Variants in BCAR3 observed in about 807,000 individuals in gnomAD.
BCAR3 encodes the protein BCAR3 adaptor protein, NSP family member.
In BCAR3, 37 loss-of-function variants were observed where a neutral mutation model predicts 80.1. The ratio of observed to expected loss-of-function variants is 0.46; its 90% CI spans 0.36 to 0.61. The LOEUF is 0.61. Among genes scored for constraint, BCAR3 ranks in the 20% least tolerant of loss-of-function variants. The probability of loss-of-function intolerance (pLI) is 0.00; values close to 1 mark genes in which losing one functional copy is unlikely to be tolerated. For synonymous variants in BCAR3, 389 were observed against 418.9 expected, an observed-to-expected ratio of 0.93 and a Z score of 0.87; for missense variants, 978 against 1,068.2, an observed-to-expected ratio of 0.92 and a Z score of 1.18.
At chr1:93,643,655 G>A (rs1417818511) in intron 2 of BCAR3, among the ~76,000 whole-genome samples, 1 of 151,106 alleles carries the variant, frequency 6.6e-6, no homozygotes, top group Non-Finnish European at 1.5e-5. Flanking sequence ...ATGGGGAGAT[G>A]TAGGTCAAAG....
chr1:93,701,960 G>C (rs1311565028), intron 3 of BCAR3, among the ~76,000 whole-genome samples: 1 of 152,188 alleles, frequency 6.6e-6, no homozygotes, highest in East Asian at 1.9e-4. Context: ...GGCTGAGTGA[G>C]TGTAGTGGAA....
intron 3 of BCAR3, among the ~76,000 whole-genome samples, chr1:93,697,832 G>T (rs1305361541): frequency 6.6e-6 from 1 of 152,096 alleles, no homozygotes; most frequent in African/African-American, 2.4e-5. Context: ...CACAAAATTA[G>T]CCAGGCATGG....
intron 3 of BCAR3, chr1:93,600,881 C>T (rs1674599945): frequency 6.6e-6 from 1 of 152,258 alleles, no homozygotes; most frequent in Non-Finnish European, 1.5e-5. Context: ...CTTTGGCTCC[C>T]AGAGCCTGGC....
chr1:93,687,274 G>C (rs894642570), intron 3 of BCAR3, among the ~76,000 whole-genome samples: 10 of 151,996 alleles, frequency 6.6e-5, no homozygotes, highest in Non-Finnish European at 1.2e-4. Context: ...CCACAACCAG[G>C]CTTCATCTAA....
intron 3 of BCAR3, among the ~76,000 whole-genome samples, chr1:93,611,607 G>A (rs952791829): frequency 5.3e-5 from 8 of 152,150 alleles, no homozygotes; most frequent in Non-Finnish European, 1.2e-4. Flanking sequence ...GCACATCCCT[G>A]ATCCTTCTCT....
upstream of BCAR3, among the ~76,000 whole-genome samples, chr1:93,683,324 A>C (rs1281583671): frequency 6.6e-6 from 1 of 152,344 alleles, no homozygotes; most frequent in Non-Finnish European, 1.5e-5. Flanking sequence ...AGAATGACTA[A>C]AATTAAAGGG....
intron 2 of BCAR3, among the ~76,000 whole-genome samples, chr1:93,827,168 C>T (rs1347280796): frequency 6.6e-6 from 1 of 152,082 alleles, no homozygotes; most frequent in Non-Finnish European, 1.5e-5. Context: ...TGAAACAGAA[C>T]ATGGTGTCTA....
At chr1:93,720,376 G>A (rs1179740659) in intron 2 of BCAR3, 8 of 152,248 alleles carry the variant, frequency 5.3e-5, no homozygotes, top group African/African-American at 1.9e-4. Flanking sequence ...GACTCTGGAG[G>A]CTGGTGCCAC....
chr1:93,798,283 T>A (rs903574807), intron 2 of BCAR3, among the ~76,000 whole-genome samples: 1 of 152,262 alleles, frequency 6.6e-6, no homozygotes, highest in Non-Finnish European at 1.5e-5. Flanking sequence ...GAGCCTTTTC[T>A]TGAGCCCCTT....
At chr1:93,819,166 A>C (rs1042872152) in intron 2 of BCAR3, among the ~76,000 whole-genome samples, 4 of 151,928 alleles carry the variant, frequency 2.6e-5, no homozygotes, top group Non-Finnish European at 5.9e-5. Flanking sequence ...TCCCCGGTTC[A>C]AGCCATTCTC....
chr1:93,762,352 A>T (rs77506564), intron 2 of BCAR3, among the ~76,000 whole-genome samples: 3,623 of 152,280 alleles, frequency 0.024, 154 homozygotes, highest in African/African-American at 0.083. Context: ...TGCTCTGTGC[A>T]CCATCCACAT....
chr1:93,650,772 C>T (rs1676297486), intron 2 of BCAR3, among the ~76,000 whole-genome samples: 1 of 152,074 alleles, frequency 6.6e-6, no homozygotes. Context: ...CAAAACCTAA[C>T]CCGATGAAAC....
chr1:93,843,260 G>T (rs928319446), intron 2 of BCAR3, among the ~76,000 whole-genome samples: 8 of 152,180 alleles, frequency 5.3e-5, no homozygotes, highest in African/African-American at 9.7e-5. Flanking sequence ...GAGTAGGAGT[G>T]GGGTAGGGAG....
chr1:93,704,081 G>A (rs1008100367), intron 3 of BCAR3, among the ~76,000 whole-genome samples: 1 of 152,224 alleles, frequency 6.6e-6, no homozygotes. Flanking sequence ...CACAGAAATT[G>A]CCATAGGGCA....
At chr1:93,636,150 T>C (rs538396661) in intron 3 of BCAR3, among the ~76,000 whole-genome samples, 24 of 152,278 alleles carry the variant, frequency 1.6e-4, no homozygotes, top group African/African-American at 5.5e-4. Context: ...TAGAAGACCC[T>C]TGGGGAAGGA....
At chr1:93,688,000 A>C (rs1274089903) in intron 3 of BCAR3, among the ~76,000 whole-genome samples, 1 of 152,246 alleles carries the variant, frequency 6.6e-6, no homozygotes, top group Non-Finnish European at 1.5e-5. Flanking sequence ...CTACTGATAC[A>C]AAGAGCTGGC....
chr1:93,593,954 G>A (rs1030348658), intron 3 of BCAR3, among the ~76,000 whole-genome samples: 1 of 152,198 alleles, frequency 6.6e-6, no homozygotes, highest in African/African-American at 2.4e-5. Context: ...TTGCATCAAA[G>A]AGATGCGGAC....
intron 2 of BCAR3, among the ~76,000 whole-genome samples, chr1:93,763,885 C>T (rs966995660): frequency 1.3e-5 from 2 of 152,170 alleles, no homozygotes; most frequent in African/African-American, 2.4e-5. Context: ...GGAAGAGATG[C>T]GCACAATCAG....
intron 2 of BCAR3, among the ~76,000 whole-genome samples, chr1:93,801,914 T>C (rs1282296814): frequency 6.6e-6 from 1 of 152,062 alleles, no homozygotes; most frequent in Admixed American, 6.5e-5. Flanking sequence ...GGTCAGGAGA[T>C]TGAGACCAGC....
Sources: allele counts gnomAD v4.1 joint callset (sites outside exome capture counted in the v4.1 genomes callset), GRCh38; gene constraint gnomAD v4.1.1; transcripts MANE v1.5; gene names NCBI Gene and HGNC (gene_info 2026-07-23, HGNC 2026-07-21).